Variants in FOXJ3 observed in about 807,000 individuals in gnomAD.
The protein encoded by FOXJ3 is forkhead box J3, also known as forkhead box protein J3.
A neutral mutation model predicts 76.1 loss-of-function variants in FOXJ3; 22 were observed. The observed-to-expected ratio is 0.29, with a 90% CI of 0.21 to 0.41. The LOEUF is 0.41. Ranked by LOEUF, FOXJ3 falls within the 10% of genes least tolerant of loss-of-function variation. The pLI is 1.00. For missense variants in FOXJ3, 613 were observed against 762.1 expected, an observed-to-expected ratio of 0.80 and a Z score of 2.30; for synonymous variants, 269 against 261.2, an observed-to-expected ratio of 1.03 and a Z score of -0.29.
chr1:42,185,194 T>C (rs1438424915), intron 11 of FOXJ3, among the ~76,000 whole-genome samples: 2 of 151,860 alleles, frequency 1.3e-5, no homozygotes, highest in African/African-American at 4.8e-5. Flanking sequence ...TGCACCCCTT[T>C]CTCTGAATTC....
chr1:42,257,812 T>C (rs1650723493), intron 4 of FOXJ3, among the ~76,000 whole-genome samples: 1 of 152,058 alleles, frequency 6.6e-6, no homozygotes, highest in South Asian at 2.1e-4. Context: ...AACTTAAATG[T>C]TGTTATTCCC....
chr1:42,303,146 A>G (rs1423608238), intron 2 of FOXJ3, among the ~76,000 whole-genome samples: 1 of 152,204 alleles, frequency 6.6e-6, no homozygotes, highest in Non-Finnish European at 1.5e-5. Context: ...ATAAATACTT[A>G]TAGCCAAGAG....
intron 5 of FOXJ3, among the ~76,000 whole-genome samples, chr1:42,210,724 T>C (rs1262242333): frequency 1.3e-5 from 2 of 152,074 alleles, no homozygotes; most frequent in Non-Finnish European, 2.9e-5. Context: ...GGAAATCTCA[T>C]AGTCTACATA....
intron 4 of FOXJ3, among the ~76,000 whole-genome samples, chr1:42,238,758 G>T (rs955726940): frequency 6.6e-6 from 1 of 152,090 alleles, no homozygotes; most frequent in African/African-American, 2.4e-5. Context: ...GCCCAGGCTG[G>T]TCTTGAACTC....
intron 2 of FOXJ3, 139 bp downstream of exon 2, chr1:42,310,911 C>T: frequency 1.8e-6 from 1 of 549,972 alleles, no homozygotes. Context: ...TTCCATTCCG[C>T]CAAATTGCAC....
At chr1:42,201,070 T>C (rs1391858220) in intron 6 of FOXJ3, among the ~76,000 whole-genome samples, 2 of 152,250 alleles carry the variant, frequency 1.3e-5, no homozygotes, top group African/African-American at 2.4e-5. Context: ...ATAAGTGTTA[T>C]CTTTTAAATT....
intron 3 of FOXJ3, among the ~76,000 whole-genome samples, chr1:42,267,932 T>A (rs942307404): frequency 6.6e-6 from 1 of 151,938 alleles, no homozygotes; most frequent in African/African-American, 2.4e-5. Flanking sequence ...AAACAGAGAC[T>A]GGCACATTCA....
intron 5 of FOXJ3, among the ~76,000 whole-genome samples, chr1:42,218,470 A>T (rs1001801778): frequency 6.6e-6 from 1 of 152,216 alleles, no homozygotes; most frequent in Non-Finnish European, 1.5e-5. Context: ...ATAATTGTAG[A>T]TAATGTGTTG....
intron 2 of FOXJ3, among the ~76,000 whole-genome samples, chr1:42,284,350 G>A (rs1652918647): frequency 6.6e-6 from 1 of 152,196 alleles, no homozygotes; most frequent in African/African-American, 2.4e-5. Flanking sequence ...TGAGGCTAGT[G>A]CAAAAACAGA....
Position 42,176,795 on chromosome 1 carries a change from C to T in FOXJ3, c.*2915G>A, listed in dbSNP as rs1646223066. ...GCACAAAAAGCCAATGCATTTTCAT[C>T]ACATATATACAATATAGATATGTAC... On this transcript the variant is annotated 3_prime_UTR_variant, in exon 13 of 13. Coordinates refer to ENST00000361346, the MANE Select transcript of FOXJ3 (RefSeq NM_014947.5). 6.6e-6 allele frequency: 1 copy of T among 152,584 alleles called. No individual in the cohort carries two copies. The highest frequency in any genetic ancestry group is 2.1e-4 in the South Asian group (1 of 4,828). 9.5% of individuals were successfully genotyped at this position (152,584 alleles called of 1,614,324 possible).
rs1270146566 is a variant in FOXJ3, at chr1:42,277,614, G to A, written c.369+734C>T. ...AGATCGAGACCATCCCGGCTAAAACGGTGAAACCCCGTCTCTACTAAAAAT... is the reference window on the plus strand; with the variant it reads ...AGATCGAGACCATCCCGGCTAAAACAGTGAAACCCCGTCTCTACTAAAAAT... On this transcript the variant is annotated intron_variant, in intron 3 of 12. Transcript: ENST00000361346. 5.4e-5 allele frequency among the ~76,000 whole-genome samples: 2 copies of A among 37,112 alleles called. 1 individual carries two copies. The highest frequency in any genetic ancestry group is 1.6e-4 in the African/African-American group (2 of 12,452). 24.3% of individuals were successfully genotyped at this position (37,112 alleles called of 152,430 possible).
chr1:42,320,249 C>A (rs1255195910), intron 1 of FOXJ3, among the ~76,000 whole-genome samples: 2 of 152,130 alleles, frequency 1.3e-5, no homozygotes, highest in East Asian at 3.9e-4. Flanking sequence ...CATCACAGAG[C>A]TATAACTTCT....
chr1:42,214,546 C>T (rs1557642934), intron 5 of FOXJ3, among the ~76,000 whole-genome samples: 1 of 152,154 alleles, frequency 6.6e-6, no homozygotes, highest in African/African-American at 2.4e-5. Flanking sequence ...TATAGACCAA[C>T]CTTCTGCTGA....
intron 8 of FOXJ3, among the ~76,000 whole-genome samples, chr1:42,193,655 T>C (rs1277491511): frequency 2.0e-5 from 3 of 152,116 alleles, no homozygotes; most frequent in Non-Finnish European, 4.4e-5. Flanking sequence ...TACATCAATA[T>C]AAATAACAGT....
At chr1:42,302,355 T>C (rs984884781) in intron 2 of FOXJ3, among the ~76,000 whole-genome samples, 4 of 152,248 alleles carry the variant, frequency 2.6e-5, no homozygotes, top group African/African-American at 9.6e-5. Context: ...AGCTCTCTGT[T>C]GCCTCAAGCA....
chr1:42,268,676 G>T (rs1251072965), intron 3 of FOXJ3, among the ~76,000 whole-genome samples: 1 of 152,158 alleles, frequency 6.6e-6, no homozygotes, highest in Non-Finnish European at 1.5e-5. Context: ...GAACTGGAAA[G>T]ACGTGGTTTA....
intron 1 of FOXJ3, among the ~76,000 whole-genome samples, chr1:42,320,925 CT>C (rs1474626938): frequency 6.6e-6 from 1 of 152,102 alleles, no homozygotes; most frequent in Non-Finnish European, 1.5e-5. Flanking sequence ...TGTGCTTTGC[CT>C]GGTGGAATTC....
intron 3 of FOXJ3, among the ~76,000 whole-genome samples, chr1:42,277,192 C>T (rs1652329492): frequency 6.6e-6 from 1 of 152,218 alleles, no homozygotes; most frequent in South Asian, 2.1e-4. Context: ...ACCTGTAACC[C>T]CAAAACTTTG....
intron 4 of FOXJ3, among the ~76,000 whole-genome samples, chr1:42,248,309 C>CCGAT (rs1376744605): frequency 1.3e-5 from 2 of 151,510 alleles, no homozygotes; most frequent in Non-Finnish European, 1.5e-5. Context: ...CTGAGGTGGG[C>CCGAT]CGATCACGAG....
Sources: allele counts gnomAD v4.1 joint callset (sites outside exome capture counted in the v4.1 genomes callset), GRCh38; gene constraint gnomAD v4.1.1; transcripts MANE v1.5; gene names NCBI Gene and HGNC (gene_info 2026-07-23, HGNC 2026-07-21).